The following KDM6B variants were observed in gnomAD, a reference collection of about 807,000 sequenced individuals.
The protein encoded by KDM6B is lysine demethylase 6B, also known as lysine-specific demethylase 6B.
A neutral mutation model predicts 150.4 loss-of-function variants in KDM6B; 22 were observed. The observed-to-expected ratio is 0.15, with a 90% CI of 0.10 to 0.21. The LOEUF is 0.21. Among genes scored for constraint, KDM6B ranks in the 10% least tolerant of loss-of-function variants. KDM6B has a pLI of 1.00. For missense variants in KDM6B, 1,984 were observed against 2,234.3 expected, an observed-to-expected ratio of 0.89 and a Z score of 2.26; for synonymous variants, 1,148 against 921.1, an observed-to-expected ratio of 1.25 and a Z score of -4.46.
At position 7,853,625 on chromosome 17, in the gene KDM6B, G is replaced by C. The variant is rs958359360; in HGVS notation, c.*104G>C. 7 of 856,408 alleles carry C rather than the reference G, an allele frequency of 8.2e-6. No homozygotes were observed. The African/African-American group carries it at 1.3e-4, about 15-fold the overall frequency. The allele number at this position is 856,408 out of a possible 1,614,324, so 53.1% of individuals were successfully genotyped here. On this transcript the variant is annotated 3_prime_UTR_variant, in exon 24 of 24. Transcript: ENST00000448097. The stretch of plus-strand genomic sequence containing the variant: ...CCCGCCTGTGGCCGAGAAGGGGGTC[G>C]GGCCCAGCCCTTCCACCCCATTGGC...
chr17:7,854,355 T>G lies in KDM6B; in HGVS notation c.*834T>G, dbSNP rs1463409428. 1 of 152,330 alleles carries G rather than the reference T, an allele frequency of 6.6e-6. No homozygotes were observed. The highest frequency in any genetic ancestry group is 1.5e-5 in the Non-Finnish European group (1 of 67,996). The allele number at this position is 152,330 out of a possible 1,614,324, so 9.4% of individuals were successfully genotyped here. ...ACCCGACCCCAGCCCCACCTGAGGG[T>G]GAGCAACTCCTGTACTGTAGGGGAA... On this transcript the variant is annotated 3_prime_UTR_variant, in exon 24 of 24. Transcript: ENST00000448097.
chr17:7,839,161 C>T (rs2078377817), intron 1 of KDM6B, among the ~76,000 whole-genome samples: 2 of 152,154 alleles, frequency 1.3e-5, no homozygotes, highest in Non-Finnish European at 2.9e-5. Context: ...TGATGGACAC[C>T]TGATTCTTGG....
At position 7,852,144 on chromosome 17, in the gene KDM6B, C is replaced by G. The variant is rs781397120; in HGVS notation, c.4281-5C>G. The G allele has an allele frequency of 6.2e-7, 1 of 1,614,026 alleles. No homozygotes were observed. The highest frequency in any genetic ancestry group is 8.5e-7 in the Non-Finnish European group (1 of 1,180,038). ...GTTCCCACCTGACCTGTGGCCACCCCGCAGGCACGGCGTGGACTACTTGAC... is the reference window on the plus strand; with the variant it reads ...GTTCCCACCTGACCTGTGGCCACCCGGCAGGCACGGCGTGGACTACTTGAC... On this transcript the variant is annotated splice_region_variant and splice_polypyrimidine_tract_variant and intron_variant, in intron 19 of 23. Transcript: ENST00000448097.
intron 21 of KDM6B, 85 bp downstream of exon 21, chr17:7,852,721 CCT>C (rs1240343757): frequency 2.9e-5 from 45 of 1,569,812 alleles, no homozygotes; most frequent in Non-Finnish European, 3.9e-5. Flanking sequence ...CCCATTTTTA[CCT>C]CTCTCCATCC....
Position 7,848,106 on chromosome 17 carries a change from G to A in KDM6B, c.1818G>A (p.Leu606=), listed in dbSNP as rs1008731335. 1.4e-5 allele frequency: 23 copies of A among 1,611,732 alleles called. No individual in the cohort carries two copies. Among genetic ancestry groups the A allele is most frequent in the Non-Finnish European group, 1.9e-5 (22 of 1,179,524 alleles). ...CTCTTGTACCCCTGACTCTTGCCCTGCCTCCAGCCCCTCCTTCCTCCTGCC... is the reference window on the plus strand; with the variant it reads ...CTCTTGTACCCCTGACTCTTGCCCTACCTCCAGCCCCTCCTTCCTCCTGCC... ...DPPLVPLTLA[L]PPAPPSSCHQ... is the part of the protein sequence containing the mutation. Residue 606 remains leucine (L), a synonymous_variant, in exon 12 of 24, where the codon CTG becomes CTA. Transcript: ENST00000448097.
In KDM6B at chr17:7,844,590, G is replaced by A. The variant is rs1157138619; in HGVS notation, c.-268-311G>A. 1.3e-5 allele frequency among the ~76,000 whole-genome samples: 2 copies of A among 152,234 alleles called. No individual in the cohort carries two copies. The highest frequency in any genetic ancestry group is 3.2e-3 in the Middle Eastern group (1 of 316). Reference sequence around the variant, plus strand: ...GTCTGTCGTCCGTCGGTCTTACGGTGGCCGGGCGTGGGGCTACTCGAGCAG... The same window carrying A: ...GTCTGTCGTCCGTCGGTCTTACGGTAGCCGGGCGTGGGGCTACTCGAGCAG... On this transcript the variant is annotated intron_variant, in intron 2 of 23. Transcript: ENST00000448097. The surrounding 1 kb of genome is among the most constrained non-coding windows in gnomAD (Gnocchi z 5.9).
chr17:7,845,768 G>A lies in KDM6B; in HGVS notation c.137+77G>A, dbSNP rs1418264911. 12 of 1,607,166 alleles carry A rather than the reference G, an allele frequency of 7.5e-6. No individual in the cohort carries two copies. In the African/African-American group the frequency reaches 1.5e-4, roughly 20 times the overall value. On this transcript the variant is annotated intron_variant, in intron 5 of 23. Coordinates refer to ENST00000448097, the MANE Select transcript of KDM6B (RefSeq NM_001348716.2). ...TCCCTCAATCTGTGTCATTCTCCAT[G>A]GGTTCCTGTCATTCTGTGGGCTTCC... is the stretch of plus-strand genomic sequence containing the variant.
At position 7,849,936 on chromosome 17, in the gene KDM6B, C is replaced by G; in HGVS notation, c.3556C>G (p.Pro1186Ala). The change falls in exon 13 of 24, where the codon CCC becomes GCC. Residue 1186 changes from proline (P) to alanine (A), a missense_variant. Physicochemically the swap from Pro to Ala is conservative, Grantham distance 27. Around this residue, in one of 13 missense-constraint regions of KDM6B, gnomAD observed 1,379 missense variants for 1,275.6 expected, o/e 1.08. Coordinates refer to ENST00000448097, the MANE Select transcript of KDM6B (RefSeq NM_001348716.2). ...LPREKLNPPT[P>A]SIYLESKRDA... Reference sequence around the variant, plus strand: ...CCGGGAAAAACTCAACCCCCCTACACCCAGCATCTATGTATGTGTGCCACT... The same window carrying G: ...CCGGGAAAAACTCAACCCCCCTACAGCCAGCATCTATGTATGTGTGCCACT... 6.2e-7 allele frequency: 1 copy of G among 1,613,654 alleles called. No homozygotes were observed. Among genetic ancestry groups the G allele is most frequent in the Non-Finnish European group, 8.5e-7 (1 of 1,180,030 alleles).
rs1354507638 is a variant in KDM6B at position 7,853,484 on chromosome 17, C to G, written c.4909-14C>G. On this transcript the variant is annotated splice_polypyrimidine_tract_variant and intron_variant, in intron 23 of 23. Coordinates refer to ENST00000448097, the MANE Select transcript of KDM6B (RefSeq NM_001348716.2). ...GCGCCTTTCCCTGAGCCCCCGCCGG[C>G]TTTCTCCCCCCAGGCCCCAGCCAGC... is the stretch of plus-strand genomic sequence containing the variant. 6.6e-7 allele frequency: 1 copy of G among 1,504,132 alleles called. No homozygotes were observed. The highest frequency in any genetic ancestry group is 8.8e-7 in the Non-Finnish European group (1 of 1,133,608). The allele number at this position is 1,504,132 out of a possible 1,614,324, so 93.2% of individuals were successfully genotyped here.
rs1417079584 is a variant in KDM6B at position 7,851,230 on chromosome 17, A to G, written c.3879+4A>G. 1 of 1,613,962 alleles carries G rather than the reference A, an allele frequency of 6.2e-7. No individual in the cohort carries two copies. The highest frequency in any genetic ancestry group is 1.7e-5 in the Admixed American group (1 of 60,024). On this transcript the variant is annotated splice_donor_region_variant and intron_variant, in intron 15 of 23. Coordinates refer to ENST00000448097, the MANE Select transcript of KDM6B (RefSeq NM_001348716.2). ...ATCCTTCCAGGAGTCTCTGCAGGTG[A>G]GATGAGAACGTGGCCAGAGGCAGGT...
In KDM6B at chr17:7,852,212, T is replaced by C. The variant is rs1220793114; in HGVS notation, c.4344T>C (p.Asn1448=). 6.2e-7 allele frequency: 1 copy of C among 1,614,046 alleles called. No homozygotes were observed. The highest frequency in any genetic ancestry group is 8.5e-7 in the Non-Finnish European group (1 of 1,180,044). The change falls in exon 20 of 24, where the codon AAT becomes AAC. Residue 1448 remains asparagine, a synonymous_variant. Coordinates refer to ENST00000448097, the MANE Select transcript of KDM6B (RefSeq NM_001348716.2). Reference sequence around the variant, plus strand: ...TCCTGGATGATCTCTATGCATCCAATATTCCTGTGTACCGCTTCGTGCAGC... The same window carrying C: ...TCCTGGATGATCTCTATGCATCCAACATTCCTGTGTACCGCTTCGTGCAGC... ...WPILDDLYAS[N]IPVYRFVQRP... is the part of the protein sequence containing the mutation.
chr17:7,836,308 C>T (rs960849010), intron 1 of KDM6B, among the ~76,000 whole-genome samples: 2 of 152,264 alleles, frequency 1.3e-5, no homozygotes, highest in Non-Finnish European at 2.9e-5. Flanking sequence ...CCCTCGGCTC[C>T]TTTCGGGCTG....
intron 1 of KDM6B, among the ~76,000 whole-genome samples, 60 bp downstream of exon 1, chr17:7,834,410 G>A (rs940658625): frequency 1.9e-4 from 29 of 152,130 alleles, no homozygotes; most frequent in African/African-American, 6.5e-4. Flanking sequence ...CAGCAGGGCA[G>A]GACGCCTGAG....
Position 7,847,572 on chromosome 17 carries a change from C to G in KDM6B, c.1284C>G (p.Pro428=). Residue 428 remains proline, a synonymous_variant, in exon 12 of 24, where the codon CCC becomes CCG. Transcript: ENST00000448097. ...CCGGCGCTGACCATTACCAAACTCC[C>G]GCGCTGGAGGTCTCTCACCATGGCC... ...GIPGADHYQT[P]ALEVSHHGRL... is the part of the protein sequence containing the mutation. The G allele has an allele frequency of 6.2e-7, 1 of 1,613,338 alleles. No individual in the cohort carries two copies. Among genetic ancestry groups the G allele is most frequent in the Non-Finnish European group, 8.5e-7 (1 of 1,179,928 alleles).
intron 7 of KDM6B, 31 bp from the exon 8 acceptor site, chr17:7,846,369 C>G: frequency 6.6e-7 from 1 of 1,511,064 alleles, no homozygotes; most frequent in South Asian, 1.2e-5. Flanking sequence ...CACCTGACAT[C>G]TGCCCCTGCC....
chr17:7,842,228 G>A (rs1291119586), intron 2 of KDM6B, among the ~76,000 whole-genome samples: 1 of 152,192 alleles, frequency 6.6e-6, no homozygotes, highest in Non-Finnish European at 1.5e-5. Context: ...CGGGGGCGGG[G>A]GGTAGGGGGT....
At position 7,852,330 on chromosome 17, in the gene KDM6B, C is replaced by G; in HGVS notation, c.4462C>G (p.Leu1488Val). Residue 1488 changes from leucine to valine, a missense_variant, in exon 20 of 24, where the codon CTC (leucine) becomes GTC (valine). By Grantham distance (32) the Leu-to-Val change is conservative. Around this residue, in one of 13 missense-constraint regions of KDM6B, gnomAD observed 41 missense variants for 158.8 expected, o/e 0.26. Coordinates refer to ENST00000448097, the MANE Select transcript of KDM6B (RefSeq NM_001348716.2). ...CNNIAWNVGP[L>V]TAYQYQLALE... ...CAACATTGCCTGGAACGTGGGGCCCCTCACCGGTGAGAGGGTGGGGCAGGT... is the reference window on the plus strand; with the variant it reads ...CAACATTGCCTGGAACGTGGGGCCCGTCACCGGTGAGAGGGTGGGGCAGGT... 6.2e-7 allele frequency: 1 copy of G among 1,612,928 alleles called. No homozygotes were observed. The highest frequency in any genetic ancestry group is 8.5e-7 in the Non-Finnish European group (1 of 1,179,856).
rs903282378 is a variant in KDM6B at position 7,844,211 on chromosome 17, C to G, written c.-268-690C>G. ...CCGGCGGGGAAGGGCAGAGAGGATA[C>G]GCGAGCCACGAGAGAGGGGCCACTC... On this transcript the variant is annotated intron_variant, in intron 2 of 23. Coordinates refer to ENST00000448097, the MANE Select transcript of KDM6B (RefSeq NM_001348716.2). This position sits in a 1 kb window ranked among gnomAD's most constrained non-coding sequence, Gnocchi z 5.9. 6.6e-6 allele frequency: 1 copy of G among 152,080 alleles called. No homozygotes were observed. The highest frequency in any genetic ancestry group is 1.5e-5 in the Non-Finnish European group (1 of 68,006). 9.4% of individuals were successfully genotyped at this position (152,080 alleles called of 1,614,324 possible). A position where few individuals can be genotyped will look rare whatever the true frequency, so the allele number is the denominator to read the frequency against.
In KDM6B at chr17:7,853,675, GA is replaced by G; in HGVS notation, c.*159del. The G allele has an allele frequency of 3.3e-6, 1 of 305,356 alleles. No homozygotes were observed. Among genetic ancestry groups the G allele is most frequent in the East Asian group, 6.1e-5 (1 of 16,418 alleles). The allele number at this position is 305,356 out of a possible 1,614,324, so 18.9% of individuals were successfully genotyped here. A position where few individuals can be genotyped will look rare whatever the true frequency, so the allele number is the denominator to read the frequency against. Reference sequence around the variant, plus strand: ...CAGCTCCCCTCACTTAATTTATTAAGAAAAACTTTTTTTTTTTTTTTAGCAA... The same window carrying G: ...CAGCTCCCCTCACTTAATTTATTAAGAAAACTTTTTTTTTTTTTTTAGCAA... On this transcript the variant is annotated 3_prime_UTR_variant, in exon 24 of 24. Coordinates refer to ENST00000448097, the MANE Select transcript of KDM6B (RefSeq NM_001348716.2).
Sources: gnomAD v4.1 joint callset for allele counts (sites outside exome capture counted in the v4.1 genomes callset) on GRCh38, gnomAD v4.1.1 for gene constraint, gnomAD v4.1.1 regional missense constraint, Gnocchi (gnomAD v3.1) non-coding constraint, MANE v1.5 for transcripts, NCBI Gene and HGNC (gene_info 2026-07-23, HGNC 2026-07-21) for gene names.